PROSER1: variants seen among roughly 807,000 people sequenced by gnomAD.
The protein encoded by PROSER1 is proline and serine-rich protein 1.
Under a neutral mutation model 71.8 loss-of-function variants are expected in PROSER1, and 36 were observed. The observed-to-expected ratio is 0.50, with a 90% CI of 0.38 to 0.66. The LOEUF (loss-of-function observed/expected upper bound fraction) is 0.66, where lower values mean the gene tolerates loss of function less well. PROSER1 is among the 30% of genes least tolerant of loss of function. The probability of loss-of-function intolerance (pLI) is 0.00; values close to 1 mark genes in which losing one functional copy is unlikely to be tolerated. For missense variants in PROSER1, 1,107 were observed against 1,135.0 expected (o/e 0.98, Z 0.35); for synonymous variants, 490 against 452.4 (o/e 1.08, Z -1.06).
intron 10 of PROSER1, among the ~76,000 whole-genome samples, chr13:39,014,785 T>C (rs1365502901): frequency 3.3e-5 from 5 of 152,208 alleles, no homozygotes; most frequent in Non-Finnish European, 1.5e-5. Context: ...TTTATTTTAA[T>C]TGTGATTAGT....
rs958565805 is a variant in PROSER1 at position 39,032,105 on chromosome 13, C to T, written c.112-474G>A. Among the ~76,000 whole-genome samples, 5 of 152,120 alleles carry T rather than the reference C, an allele frequency of 3.3e-5. No individual in the cohort carries two copies. The South Asian group carries it at 6.2e-4, about 19-fold the overall frequency. On this transcript the variant is annotated intron_variant, in intron 2 of 12. Transcript: ENST00000352251. ...ACTGTGAATGGAAAACCTTTCAACA[C>T]GAGGGGAGAACAGCACTCACAAAGG...
intron 6 of PROSER1, 73 bp downstream of exon 6, chr13:39,026,204 A>G: frequency 1.1e-6 from 1 of 949,300 alleles, no homozygotes; most frequent in South Asian, 1.5e-5. Flanking sequence ...TTTCCTTTAA[A>G]TATCATTAAC....
chr13:39,022,245 C>A, intron 9 of PROSER1, 81 bp downstream of exon 9: 2 of 930,986 alleles, frequency 2.1e-6, no homozygotes, highest in Non-Finnish European at 3.6e-6. Flanking sequence ...TGTTAGAATA[C>A]GTCATGCCAA....
In PROSER1 at chr13:39,013,764, C is replaced by T. The variant is rs371696245; in HGVS notation, c.1488G>A (p.Gly496=). ...GAGTAAGAGAAGATAGTGAAGCCAG[C>T]CCACTTGTGACAGCAGAGGATAAAG... is the stretch of plus-strand genomic sequence containing the variant. ...SSALSSAVTS[G]LASLSSLTLQ... Residue 496 remains glycine, a synonymous_variant, in exon 11 of 13, where the codon GGG becomes GGA. Transcript: ENST00000352251. The T allele has an allele frequency of 6.2e-7, 1 of 1,614,122 alleles. No homozygotes were observed. The highest frequency in any genetic ancestry group is 1.3e-5 in the African/African-American group (1 of 75,026).
intron 10 of PROSER1, among the ~76,000 whole-genome samples, chr13:39,016,084 T>C (rs922952644): frequency 1.2e-4 from 18 of 152,232 alleles, no homozygotes; most frequent in African/African-American, 4.1e-4. Context: ...GCAGCCTCTG[T>C]TGGATCTTTT....
chr13:39,027,080 C>T (rs991716322), intron 5 of PROSER1, among the ~76,000 whole-genome samples: 1 of 147,772 alleles, frequency 6.8e-6, no homozygotes, highest in Non-Finnish European at 1.5e-5. Flanking sequence ...AAATATCCAG[C>T]TATACATATG....
intron 10 of PROSER1, among the ~76,000 whole-genome samples, chr13:39,014,803 C>T (rs1048372132): frequency 6.6e-6 from 1 of 152,194 alleles, no homozygotes; most frequent in Non-Finnish European, 1.5e-5. Context: ...AGTGCTGCTG[C>T]ACTGACTTTA....
intron 7 of PROSER1, 128 bp from the exon 8 acceptor site, chr13:39,023,258 A>C (rs781760673): frequency 1.6e-6 from 1 of 636,566 alleles, no homozygotes. Flanking sequence ...ACTGGACTAC[A>C]TGGGACAACA....
At chr13:39,037,047 A>G (rs1033279343) in intron 1 of PROSER1, 151 bp downstream of exon 1, 7 of 623,574 alleles carry the variant, frequency 1.1e-5, no homozygotes, top group Admixed American at 1.1e-4. Flanking sequence ...AAACGTATCA[A>G]GATATAAACT....
intron 4 of PROSER1, among the ~76,000 whole-genome samples, chr13:39,028,866 GA>G (rs1387098909): frequency 4.1e-5 from 6 of 147,954 alleles, no homozygotes; most frequent in African/African-American, 1.3e-4. Context: ...CAGACTTTCT[GA>G]TATTTAAAGT....
In PROSER1 at chr13:39,013,810, G is replaced by T. The variant is rs1381244928; in HGVS notation, c.1442C>A (p.Thr481Asn). The change falls in exon 11 of 13, where the codon ACC (threonine) becomes AAC (asparagine). Residue 481 changes from threonine (T) to asparagine (N), a missense_variant. Transcript: ENST00000352251. ...TAAAGCAGAGGAGTTGATTAAATTG[G>T]TGTCATTGGATGTCAGAAAACCTTT... Reference protein sequence around the residue: ...ALKGFLTSNDTNLINSSALSS... With the variant: ...ALKGFLTSNDNNLINSSALSS... 6.8e-6 allele frequency: 11 copies of T among 1,614,088 alleles called. No homozygotes were observed. In the South Asian group the frequency reaches 8.8e-5, roughly 13 times the overall value.
chr13:39,012,008 G>A, intron 12 of PROSER1, 75 bp downstream of exon 12: 1 of 1,412,028 alleles, frequency 7.1e-7, no homozygotes, highest in Non-Finnish European at 9.8e-7. Context: ...TATCGCAAAT[G>A]ATACTGCAAT....
In PROSER1 at chr13:39,013,135, T is replaced by C. The variant is rs965609703; in HGVS notation, c.2117A>G (p.Asn706Ser). The change falls in exon 11 of 13, where the codon AAT becomes AGT. Residue 706 changes from asparagine to serine, a missense_variant. By Grantham distance (46) the Asn-to-Ser change is conservative. Transcript: ENST00000352251. Reference protein sequence around the residue: ...ALPSFTSLTNNFPLTGNPSLN... With the variant: ...ALPSFTSLTNSFPLTGNPSLN... ...AGATGGGTTGCCAGTTAAAGGAAAA[T>C]TGTTGGTCAAAGAAGTAAAAGAAGG... is the stretch of plus-strand genomic sequence containing the variant. The C allele has an allele frequency of 3.7e-6, 6 of 1,613,650 alleles. No individual in the cohort carries two copies. The highest frequency in any genetic ancestry group is 1.7e-4 in the Middle Eastern group (1 of 6,060).
At chr13:39,031,251 T>C (rs1870827488) in intron 3 of PROSER1, among the ~76,000 whole-genome samples, 1 of 152,198 alleles carries the variant, frequency 6.6e-6, no homozygotes, top group Non-Finnish European at 1.5e-5. Context: ...CTTCTAAGAC[T>C]AAATAGAAAG....
chr13:39,016,383 A>G (rs975414957), intron 10 of PROSER1, among the ~76,000 whole-genome samples: 2 of 152,194 alleles, frequency 1.3e-5, no homozygotes, highest in Admixed American at 6.5e-5. Flanking sequence ...AAGATCATGC[A>G]GCTACTACAT....
Position 39,023,328 on chromosome 13 carries a change from C to G in PROSER1, c.565-198G>C, listed in dbSNP as rs181799140. The G allele has an allele frequency of 1.1e-3, 589 of 513,472 alleles. 2 individuals are homozygous for G. Among genetic ancestry groups the G allele is most frequent in the African/African-American group, 0.01 (530 of 52,452 alleles). The allele number at this position is 513,472 out of a possible 1,614,324, so 31.8% of individuals were successfully genotyped here. On this transcript the variant is annotated intron_variant, in intron 7 of 12. Coordinates refer to ENST00000352251, the MANE Select transcript of PROSER1 (RefSeq NM_025138.5). ...TTGCTATTAAATTCCAAATGCAGAT[C>G]TTGCCAAAGATGGCCATAGAGGTGG...
Position 39,017,540 on chromosome 13 carries a change from A to T in PROSER1, c.735T>A (p.Asn245Lys). 6.8e-7 allele frequency: 1 copy of T among 1,478,384 alleles called. No individual in the cohort carries two copies. Among genetic ancestry groups the T allele is most frequent in the Non-Finnish European group, 9.3e-7 (1 of 1,073,976 alleles). The allele number at this position is 1,478,384 out of a possible 1,614,324, so 91.6% of individuals were successfully genotyped here. A position where few individuals can be genotyped will look rare whatever the true frequency, so the allele number is the denominator to read the frequency against. ...PYTPNPVGTE[N>K]EDLSNPSKPI... ...GTTTTGACGGATTCGAAAGGTCTTC[A>T]TTCTCTATATAAAAATAAATAAAAG... Residue 245 changes from asparagine to lysine, a missense_variant, in exon 10 of 13, where the codon AAT (asparagine) becomes AAA (lysine). By Grantham distance (94) the Asn-to-Lys change is moderately conservative. Coordinates refer to ENST00000352251, the MANE Select transcript of PROSER1 (RefSeq NM_025138.5).
intron 9 of PROSER1, 116 bp from the exon 10 acceptor site, chr13:39,017,660 T>C (rs1870070794): frequency 3.2e-6 from 2 of 625,750 alleles, no homozygotes; most frequent in Non-Finnish European, 5.4e-6. Flanking sequence ...TGGACTATGT[T>C]AGGAAAAAAA....
At chr13:39,022,073 G>A (rs1870316838) in intron 9 of PROSER1, among the ~76,000 whole-genome samples, 1 of 151,966 alleles carries the variant, frequency 6.6e-6, no homozygotes, top group Admixed American at 6.5e-5. Context: ...CACATGATAG[G>A]GTCACCTAAT....
Sources: gnomAD v4.1 joint callset for allele counts (sites outside exome capture counted in the v4.1 genomes callset) on GRCh38, gnomAD v4.1.1 for gene constraint, MANE v1.5 for transcripts, NCBI Gene and HGNC (gene_info 2026-07-23, HGNC 2026-07-21) for gene names.